The following INPP4B variants were observed in gnomAD, a reference collection of about 807,000 sequenced individuals.
INPP4B encodes the protein inositol polyphosphate 4-phosphatase type II.
In INPP4B, 55 loss-of-function variants were observed where a neutral mutation model predicts 122.5. That is an observed-to-expected ratio of 0.45 (90% confidence interval 0.36 to 0.56). The LOEUF is 0.56. Ranked by LOEUF, INPP4B falls within the 20% of genes least tolerant of loss-of-function variation. INPP4B has a pLI of 0.00. For synonymous variants in INPP4B, 403 were observed against 388.7 expected (o/e 1.04, Z -0.43); for missense variants, 1,000 against 1,097.7 (o/e 0.91, Z 1.26).
intron 15 of INPP4B, among the ~76,000 whole-genome samples, chr4:142,178,529 C>T (rs1198380246): frequency 6.6e-6 from 1 of 152,108 alleles, no homozygotes; most frequent in African/African-American, 2.4e-5. Flanking sequence ...GTTACTTATC[C>T]ATCCTTTCCC....
chr4:142,611,182 C>T (rs1742413802), intron 2 of INPP4B, among the ~76,000 whole-genome samples: 1 of 152,022 alleles, frequency 6.6e-6, no homozygotes, highest in African/African-American at 2.4e-5. Flanking sequence ...AGGAGAGGTG[C>T]TAAACACTTT....
intron 7 of INPP4B, among the ~76,000 whole-genome samples, chr4:142,392,834 T>C (rs2149014320): frequency 6.6e-6 from 1 of 152,296 alleles, no homozygotes; most frequent in Non-Finnish European, 1.5e-5. Flanking sequence ...ATTATAGCAA[T>C]TCAGTTGCAG....
chr4:142,776,946 T>C (rs1357547178), intron 1 of INPP4B, among the ~76,000 whole-genome samples: 3 of 152,154 alleles, frequency 2.0e-5, no homozygotes, highest in Admixed American at 2.0e-4. Flanking sequence ...TCAAGGTTGC[T>C]TTTAATCTGA....
At chr4:142,166,352 A>T (rs1038845348) in intron 16 of INPP4B, among the ~76,000 whole-genome samples, 2 of 151,854 alleles carry the variant, frequency 1.3e-5, no homozygotes, top group Admixed American at 6.6e-5. Flanking sequence ...GAAAATTGAA[A>T]CTGGACACCT....
intron 2 of INPP4B, among the ~76,000 whole-genome samples, chr4:142,475,238 C>T (rs1431026177): frequency 6.6e-6 from 1 of 151,826 alleles, no homozygotes; most frequent in Non-Finnish European, 1.5e-5. Flanking sequence ...GAACTCATAC[C>T]ACAAGCAAAT....
At chr4:142,128,623 CAT>C (rs1336329518) in intron 18 of INPP4B, among the ~76,000 whole-genome samples, 1 of 152,154 alleles carries the variant, frequency 6.6e-6, no homozygotes, top group Non-Finnish European at 1.5e-5. Context: ...CTCGGGAAAA[CAT>C]AAAATGCATG....
intron 11 of INPP4B, among the ~76,000 whole-genome samples, chr4:142,251,855 G>A (rs1374506932): frequency 1.3e-5 from 2 of 152,152 alleles, no homozygotes; most frequent in African/African-American, 2.4e-5. Context: ...CTGAAGTTGT[G>A]TATTATTCAT....
intron 9 of INPP4B, among the ~76,000 whole-genome samples, chr4:142,293,560 CTT>C (rs1757342966): frequency 6.6e-6 from 1 of 152,138 alleles, no homozygotes; most frequent in Non-Finnish European, 1.5e-5. Context: ...TAAAATCTGT[CTT>C]GTCTATTATT....
intron 2 of INPP4B, among the ~76,000 whole-genome samples, chr4:142,534,738 G>A (rs1436761273): frequency 3.3e-5 from 5 of 151,310 alleles, no homozygotes; most frequent in Non-Finnish European, 7.4e-5. Flanking sequence ...TTTGGAGAGT[G>A]TCATCAGATT....
rs150288886 is a variant in INPP4B at position 142,603,217 on chromosome 4, G to C, written c.-191+122622C>G. Among the ~76,000 whole-genome samples the C allele has an allele frequency of 7.9e-3, 1,201 of 152,068 alleles. 23 individuals are homozygous for C. The highest frequency in any genetic ancestry group is 0.027 in the African/African-American group (1,125 of 41,462). ...CACATTGGGGGAACAACACACATTG[G>C]GGCCTGTCAGAGAGGGGTGTGGGGG... On this transcript the variant is annotated intron_variant, in intron 2 of 25. Coordinates refer to ENST00000262992, the MANE Select transcript of INPP4B (RefSeq NM_001101669.3).
intron 2 of INPP4B, among the ~76,000 whole-genome samples, chr4:142,530,985 G>T (rs1312952527): frequency 6.6e-6 from 1 of 152,044 alleles, no homozygotes; most frequent in African/African-American, 2.4e-5. Flanking sequence ...TATGACACAG[G>T]TTATATGTTT....
chr4:142,324,038 T>C (rs1771362285), intron 7 of INPP4B, among the ~76,000 whole-genome samples: 2 of 152,152 alleles, frequency 1.3e-5, no homozygotes, highest in South Asian at 4.1e-4. Flanking sequence ...GTGATTAATT[T>C]AAAATGAGAC....
At chr4:142,413,718 T>C (rs569909036) in intron 5 of INPP4B, among the ~76,000 whole-genome samples, 3 of 152,310 alleles carry the variant, frequency 2.0e-5, no homozygotes, top group Non-Finnish European at 4.4e-5. Context: ...ACATTCATAT[T>C]TTTAACTAAC....
intron 3 of INPP4B, among the ~76,000 whole-genome samples, chr4:142,448,301 G>A (rs1326913838): frequency 3.2e-5 from 3 of 93,928 alleles, no homozygotes; most frequent in African/African-American, 4.3e-5. Flanking sequence ...ATAAAGTGCC[G>A]AATCAATTAT....
intron 2 of INPP4B, among the ~76,000 whole-genome samples, chr4:142,653,757 T>A (rs1753531290): frequency 6.6e-6 from 1 of 152,186 alleles, no homozygotes; most frequent in African/African-American, 2.4e-5. Flanking sequence ...TAGGAATGCT[T>A]TTACACTATT....
intron 2 of INPP4B, among the ~76,000 whole-genome samples, chr4:142,643,836 G>T (rs1751109495): frequency 6.6e-6 from 1 of 152,130 alleles, no homozygotes. Flanking sequence ...TTTCCATTCG[G>T]AATCACACCA....
chr4:142,412,930 G>A (rs1184489472), intron 5 of INPP4B, among the ~76,000 whole-genome samples: 1 of 152,048 alleles, frequency 6.6e-6, no homozygotes, highest in Non-Finnish European at 1.5e-5. Context: ...GGGACTCTAG[G>A]AGTCAAGCAC....
chr4:142,129,401 G>A (rs1221224893), intron 18 of INPP4B, among the ~76,000 whole-genome samples: 1 of 152,190 alleles, frequency 6.6e-6, no homozygotes, highest in Non-Finnish European at 1.5e-5. Flanking sequence ...TGAAGTTCTT[G>A]TCTTTCAGGC....
chr4:142,749,156 A>T (rs1037274950), intron 1 of INPP4B, among the ~76,000 whole-genome samples: 3 of 146,228 alleles, frequency 2.1e-5, no homozygotes, highest in Non-Finnish European at 3.0e-5. Flanking sequence ...TATATATATA[A>T]AATATATATT....
Sources: allele counts gnomAD v4.1 joint callset (sites outside exome capture counted in the v4.1 genomes callset), GRCh38; gene constraint gnomAD v4.1.1; transcripts MANE v1.5; gene names NCBI Gene and HGNC (gene_info 2026-07-23, HGNC 2026-07-21).